Variants in EMC2 observed in about 807,000 individuals in gnomAD.
EMC2 encodes ER membrane protein complex subunit 2.
Under a neutral mutation model 51.6 loss-of-function variants are expected in EMC2, and 37 were observed. The ratio of observed to expected loss-of-function variants is 0.72; its 90% CI spans 0.55 to 0.94. The LOEUF is 0.94. Ranked by LOEUF, EMC2 falls within the 40% of genes least tolerant of loss-of-function variation. The probability of loss-of-function intolerance (pLI) is 0.00; values close to 1 mark genes in which losing one functional copy is unlikely to be tolerated. For synonymous variants in EMC2, 131 were observed against 112.4 expected (o/e 1.17, Z -1.04); for missense variants, 359 against 350.9 (o/e 1.02, Z -0.18).
intron 9 of EMC2, 108 bp from the exon 10 acceptor site, chr8:108,478,898 G>GT (rs2130408157): frequency 2.4e-6 from 1 of 416,358 alleles, no homozygotes; most frequent in East Asian, 3.6e-5. Context: ...TTTTAATACA[G>GT]TTTTTAAAAA....
intron 10 of EMC2, among the ~76,000 whole-genome samples, chr8:108,480,656 G>A (rs1035738857): frequency 6.6e-6 from 1 of 151,942 alleles, no homozygotes. Context: ...GTTTTCTTCT[G>A]GGATTGCTGC....
intron 1 of EMC2, among the ~76,000 whole-genome samples, chr8:108,444,766 C>T (rs1158626728): frequency 6.6e-6 from 1 of 152,020 alleles, no homozygotes; most frequent in African/African-American, 2.4e-5. Flanking sequence ...AGTATTTATA[C>T]CTGAATTGAG....
chr8:108,460,538 AAC>A (rs1819293661), intron 5 of EMC2, among the ~76,000 whole-genome samples: 1 of 152,210 alleles, frequency 6.6e-6, no homozygotes. Context: ...TCACAGTCAA[AAC>A]ACAATGAAAA....
At chr8:108,485,890 G>A (rs1811129129) in intron 10 of EMC2, among the ~76,000 whole-genome samples, 2 of 151,564 alleles carry the variant, frequency 1.3e-5, no homozygotes, top group African/African-American at 4.8e-5. Flanking sequence ...AATTAATAAA[G>A]TAGAAATGCA....
chr8:108,446,903 G>A (rs1586172991), intron 1 of EMC2, among the ~76,000 whole-genome samples: 1 of 152,100 alleles, frequency 6.6e-6, no homozygotes, highest in South Asian at 2.1e-4. Flanking sequence ...TAGGTAAAAT[G>A]TTGCTTGTTT....
chr8:108,448,141 C>A (rs937720141), intron 1 of EMC2, among the ~76,000 whole-genome samples: 1 of 152,040 alleles, frequency 6.6e-6, no homozygotes, highest in Admixed American at 6.5e-5. Flanking sequence ...ACAAAAATAT[C>A]CAAACTATTG....
intron 5 of EMC2, among the ~76,000 whole-genome samples, chr8:108,458,644 T>A (rs2130359176): frequency 6.6e-6 from 1 of 152,158 alleles, no homozygotes; most frequent in African/African-American, 2.4e-5. Flanking sequence ...AGGCACCAAG[T>A]CCCTAGGTTG....
intron 5 of EMC2, among the ~76,000 whole-genome samples, chr8:108,465,596 A>C (rs1819447454): frequency 6.6e-6 from 1 of 152,178 alleles, no homozygotes. Flanking sequence ...GTATTCTTTT[A>C]GTAGCGTGTT....
intron 5 of EMC2, among the ~76,000 whole-genome samples, chr8:108,462,241 CAG>C (rs1467987862): frequency 5.2e-5 from 2 of 38,572 alleles, no homozygotes; most frequent in African/African-American, 2.9e-4. Flanking sequence ...ATTCCTCTGA[CAG>C]GGAGAATGGT....
At position 108,463,371 on chromosome 8, in the gene EMC2, C is replaced by T. The variant is rs536028156; in HGVS notation, c.364-6455C>T. 2.5e-4 allele frequency among the ~76,000 whole-genome samples: 38 copies of T among 152,074 alleles called. No homozygotes were observed. The Middle Eastern group carries it at 0.017, about 68-fold the overall frequency. On this transcript the variant is annotated intron_variant, in intron 5 of 10. Coordinates refer to ENST00000220853, the MANE Select transcript of EMC2 (RefSeq NM_014673.5). ...GTCAGCCTTTATTTTTTATGTTACT[C>T]AAGTACCAGTTTTGGCACTTTTTTT...
intron 5 of EMC2, among the ~76,000 whole-genome samples, chr8:108,465,748 C>G (rs1462409029): frequency 6.6e-6 from 1 of 151,994 alleles, no homozygotes; most frequent in Non-Finnish European, 1.5e-5. Context: ...TTTGTGAGGT[C>G]AAAAAATGTA....
At chr8:108,462,003 T>C (rs2130368302) in intron 5 of EMC2, among the ~76,000 whole-genome samples, 1 of 152,198 alleles carries the variant, frequency 6.6e-6, no homozygotes, top group East Asian at 1.9e-4. Flanking sequence ...GAGATGGGGT[T>C]TCACCATGTT....
At chr8:108,483,296 G>A (rs1002590474) in intron 10 of EMC2, among the ~76,000 whole-genome samples, 1 of 152,126 alleles carries the variant, frequency 6.6e-6, no homozygotes, top group Non-Finnish European at 1.5e-5. Context: ...TACAGTCTGA[G>A]TTTTGACAAA....
intron 5 of EMC2, chr8:108,456,131 A>G: frequency 5.4e-6 from 1 of 184,160 alleles, no homozygotes; most frequent in East Asian, 1.4e-4. Context: ...ATAAAATTTG[A>G]CTTCTCACCC....
intron 10 of EMC2, 135 bp from the exon 11 acceptor site, chr8:108,486,377 G>A: frequency 8.0e-7 from 1 of 1,252,984 alleles, no homozygotes; most frequent in East Asian, 2.7e-5. Flanking sequence ...TATTGAAAAA[G>A]CAAAGAATAT....
At chr8:108,452,921 G>A (rs1586176864) in intron 3 of EMC2, 141 bp from the exon 4 acceptor site, 1 of 464,248 alleles carries the variant, frequency 2.2e-6, no homozygotes, top group Non-Finnish European at 3.9e-6. Flanking sequence ...TCCATTATTT[G>A]TTACTGATTA....
At chr8:108,464,041 C>T (rs367926756) in intron 5 of EMC2, 2 of 152,342 alleles carry the variant, frequency 1.3e-5, no homozygotes, top group South Asian at 4.1e-4. Flanking sequence ...AGAAGGGTAG[C>T]CTCCTGTAGC....
chr8:108,467,055 T>TA (rs2130381461), intron 5 of EMC2, among the ~76,000 whole-genome samples: 1 of 152,188 alleles, frequency 6.6e-6, no homozygotes, highest in East Asian at 1.9e-4. Flanking sequence ...TTTGTCTATG[T>TA]AAAATGAAGA....
intron 5 of EMC2, among the ~76,000 whole-genome samples, chr8:108,456,804 A>G (rs1406047789): frequency 2.0e-5 from 3 of 152,214 alleles, no homozygotes; most frequent in Non-Finnish European, 2.9e-5. Flanking sequence ...GAGACTTTAG[A>G]TAATACATCA....
Sources: gnomAD v4.1 joint callset for allele counts (sites outside exome capture counted in the v4.1 genomes callset) on GRCh38, gnomAD v4.1.1 for gene constraint, MANE v1.5 for transcripts, NCBI Gene and HGNC (gene_info 2026-07-23, HGNC 2026-07-21) for gene names.